Variants in LRBA observed in about 807,000 individuals in gnomAD.
LRBA encodes the protein LPS responsive beige-like anchor protein.
Under a neutral mutation model 330.0 loss-of-function variants are expected in LRBA, and 176 were observed. The observed-to-expected ratio is 0.53, with a 90% CI of 0.47 to 0.60. LRBA has a LOEUF of 0.60. Among genes scored for constraint, LRBA ranks in the 20% least tolerant of loss-of-function variants. The probability of loss-of-function intolerance (pLI) is 0.00; values close to 1 mark genes in which losing one functional copy is unlikely to be tolerated. For missense variants in LRBA, 3,259 were observed against 3,444.8 expected, an observed-to-expected ratio of 0.95 and a Z score of 1.35; for synonymous variants, 1,230 against 1,193.0, an observed-to-expected ratio of 1.03 and a Z score of -0.64.
intron 51 of LRBA, 83 bp from the exon 52 acceptor site, chr4:150,310,467 C>T: frequency 4.7e-6 from 4 of 854,118 alleles, no homozygotes; most frequent in South Asian, 1.9e-5. Context: ...GAGACACATT[C>T]CCAGATAAGA....
rs10685627 is a variant in LRBA at position 150,592,144 on chromosome 4, G to GTTTTTTTTTTTTT, written c.6047-1298_6047-1286dup. 9.8e-3 allele frequency among the ~76,000 whole-genome samples: 641 copies of GTTTTTTTTTTTTT among 65,188 alleles called. 89 individuals are homozygous for GTTTTTTTTTTTTT. Among genetic ancestry groups the GTTTTTTTTTTTTT allele is most frequent in the East Asian group, 0.031 (49 of 1,558 alleles). 42.8% of individuals were successfully genotyped at this position (65,188 alleles called of 152,430 possible). A position where few individuals can be genotyped will look rare whatever the true frequency, so the allele number is the denominator to read the frequency against. On this transcript the variant is annotated intron_variant, in intron 38 of 56. Coordinates refer to ENST00000651943, the MANE Select transcript of LRBA (RefSeq NM_001364905.1). ...TTGATATGGAAATCGGATGGCTAGG[G>GTTTTTTTTTTTTT]TTTTTTTTTTTTTTTTTTTTTTTTT...
At chr4:150,272,093 C>T (rs972729836) in intron 56 of LRBA, among the ~76,000 whole-genome samples, 4 of 152,092 alleles carry the variant, frequency 2.6e-5, no homozygotes, top group African/African-American at 7.2e-5. Context: ...AGAGCTCTGG[C>T]GGAGGCCCCT....
intron 9 of LRBA, among the ~76,000 whole-genome samples, chr4:150,909,898 T>C: frequency 6.6e-6 from 1 of 152,166 alleles, no homozygotes; most frequent in Non-Finnish European, 1.5e-5. Flanking sequence ...ATTAGCATTT[T>C]TCTAATGTCT....
At chr4:150,638,621 AT>A (rs1298657980) in intron 37 of LRBA, among the ~76,000 whole-genome samples, 1 of 151,476 alleles carries the variant, frequency 6.6e-6, no homozygotes, top group East Asian at 1.9e-4. Context: ...ATCACTGGCC[AT>A]CAGAGAAATG....
At chr4:150,902,912 A>G (rs898670236) in intron 13 of LRBA, among the ~76,000 whole-genome samples, 2 of 152,206 alleles carry the variant, frequency 1.3e-5, no homozygotes, top group Admixed American at 1.3e-4. Flanking sequence ...CCACCACTGT[A>G]GGGAAACCTT....
intron 39 of LRBA, among the ~76,000 whole-genome samples, chr4:150,590,288 C>T (rs564963671): frequency 3.4e-5 from 5 of 147,786 alleles, no homozygotes; most frequent in Non-Finnish European, 7.4e-5. Context: ...GAGAGAGTTA[C>T]ATGCATATAC....
Position 150,285,943 on chromosome 4 carries a change from A to C in LRBA, c.8109T>G (p.Ser2703Arg). Residue 2703 changes from serine to arginine, a missense_variant, in exon 54 of 57, where the codon AGT becomes AGG. Ser to Arg is a moderately radical substitution (Grantham distance 110, BLOSUM62 -1). Transcript: ENST00000651943. ...AVCAELGLVLSGSQEGPCLIH... is the reference protein window; with the variant it reads ...AVCAELGLVLRGSQEGPCLIH... ...GTACCACAGGTTTACCTTGTGAACCACTCAACACCAGGCCTAGCTCCGCAC... is the reference window on the plus strand; with the variant it reads ...GTACCACAGGTTTACCTTGTGAACCCCTCAACACCAGGCCTAGCTCCGCAC... The C allele has an allele frequency of 6.3e-7, 1 of 1,577,008 alleles. No individual in the cohort carries two copies.
intron 40 of LRBA, among the ~76,000 whole-genome samples, chr4:150,521,341 A>G (rs919012495): frequency 6.6e-6 from 1 of 152,152 alleles, no homozygotes; most frequent in Non-Finnish European, 1.5e-5. Context: ...TTATTTATAA[A>G]GATATAAATT....
intron 2 of LRBA, among the ~76,000 whole-genome samples, chr4:150,949,769 G>T (rs541166721): frequency 1.7e-5 from 2 of 119,874 alleles, no homozygotes; most frequent in African/African-American, 3.0e-5. Flanking sequence ...AAGGAAACTC[G>T]TAAGTTCAAA....
At position 150,871,876 on chromosome 4, in the gene LRBA, A is replaced by T. The variant is rs550303669; in HGVS notation, c.2259-423T>A. 2.6e-5 allele frequency among the ~76,000 whole-genome samples: 4 copies of T among 152,326 alleles called. No homozygotes were observed. In the East Asian group the frequency reaches 7.7e-4, roughly 29 times the overall value. On this transcript the variant is annotated intron_variant, in intron 18 of 56. Coordinates refer to ENST00000651943, the MANE Select transcript of LRBA (RefSeq NM_001364905.1). Reference sequence around the variant, plus strand: ...TAGAAGAAATGTAATATAATTTTTTAAAATAAATACTATGAAAACATATAT... The same window carrying T: ...TAGAAGAAATGTAATATAATTTTTTTAAATAAATACTATGAAAACATATAT...
chr4:150,482,165 T>C (rs1447784628), intron 42 of LRBA, among the ~76,000 whole-genome samples: 1 of 152,074 alleles, frequency 6.6e-6, no homozygotes. Context: ...CCCCAAAAGT[T>C]CCTTTTATTC....
At chr4:150,320,350 T>C (rs1401693899) in intron 50 of LRBA, among the ~76,000 whole-genome samples, 1 of 152,184 alleles carries the variant, frequency 6.6e-6, no homozygotes, top group Non-Finnish European at 1.5e-5. Flanking sequence ...CATGACTGTG[T>C]TGAGCATTTA....
At chr4:150,802,005 A>G (rs1560835529) in intron 33 of LRBA, among the ~76,000 whole-genome samples, 1 of 31,996 alleles carries the variant, frequency 3.1e-5, no homozygotes, top group South Asian at 3.1e-3. Flanking sequence ...ACCCATCTCT[A>G]TAAATAAATA....
At chr4:150,948,947 G>A (rs1180476043) in intron 2 of LRBA, among the ~76,000 whole-genome samples, 1 of 151,828 alleles carries the variant, frequency 6.6e-6, no homozygotes, top group Admixed American at 6.6e-5. Flanking sequence ...AAATGCTGGT[G>A]AGGATGTGGA....
intron 40 of LRBA, among the ~76,000 whole-genome samples, chr4:150,563,353 T>C (rs1397804327): frequency 6.6e-6 from 1 of 152,074 alleles, no homozygotes; most frequent in Admixed American, 6.6e-5. Flanking sequence ...AATTCAAACA[T>C]CCCTTCATGT....
chr4:150,897,717 G>A, intron 15 of LRBA, 22 bp downstream of exon 15: 1 of 1,524,946 alleles, frequency 6.6e-7, no homozygotes, highest in Non-Finnish European at 9.1e-7. Context: ...GGTATGCTAT[G>A]GAATAAGCAA....
intron 40 of LRBA, among the ~76,000 whole-genome samples, chr4:150,558,566 G>A (rs1767635935): frequency 6.6e-6 from 1 of 152,108 alleles, no homozygotes; most frequent in Non-Finnish European, 1.5e-5. Context: ...GGCTCATCTT[G>A]TGTAGTGTTG....
Position 150,915,731 on chromosome 4 carries a change from C to T in LRBA, c.895-4G>A. 6.3e-7 allele frequency: 1 copy of T among 1,580,500 alleles called. No homozygotes were observed. Among genetic ancestry groups the T allele is most frequent in the East Asian group, 2.3e-5 (1 of 43,768 alleles). ...GTACTATGGTAACCATATACCACTG[C>T]AGAAGCAAAAAACAGTTAAAAATAC... is the stretch of plus-strand genomic sequence containing the variant. On this transcript the variant is annotated splice_region_variant and splice_polypyrimidine_tract_variant and intron_variant, in intron 7 of 56. Coordinates refer to ENST00000651943, the MANE Select transcript of LRBA (RefSeq NM_001364905.1).
At chr4:150,672,647 A>C (rs934809174) in intron 37 of LRBA, among the ~76,000 whole-genome samples, 1 of 152,074 alleles carries the variant, frequency 6.6e-6, no homozygotes, top group Non-Finnish European at 1.5e-5. Context: ...TGGATCAGAG[A>C]TATAAGTAAC....
Sources: allele counts gnomAD v4.1 joint callset (sites outside exome capture counted in the v4.1 genomes callset), GRCh38; gene constraint gnomAD v4.1.1; transcripts MANE v1.5; gene names NCBI Gene and HGNC (gene_info 2026-07-23, HGNC 2026-07-21).